The following GATA6 variants were observed in gnomAD, a reference collection of about 807,000 sequenced individuals.
GATA6 encodes the protein GATA binding protein 6, also known as transcription factor GATA-6.
GATA6 carries 11 observed loss-of-function variants against 48.1 expected under a neutral mutation model. The ratio of observed to expected loss-of-function variants is 0.23; its 90% CI spans 0.14 to 0.38. The LOEUF (loss-of-function observed/expected upper bound fraction) is 0.38. GATA6 is among the 10% of genes least tolerant of loss of function. The probability of loss-of-function intolerance (pLI) is 1.00; values close to 1 mark genes in which losing one functional copy is unlikely to be tolerated. For synonymous variants in GATA6, 419 were observed against 396.1 expected, an observed-to-expected ratio of 1.06 and a Z score of -0.69; for missense variants, 795 against 850.3, an observed-to-expected ratio of 0.93 and a Z score of 0.81.
chr18:22,200,696 A>G lies in GATA6; in HGVS notation c.1661A>G (p.Asn554Ser). The change falls in exon 7 of 7, where the codon AAT becomes AGT. Residue 554 changes from asparagine to serine, a missense_variant. Asn to Ser is a conservative substitution (Grantham distance 46). Coordinates refer to ENST00000269216, the MANE Select transcript of GATA6 (RefSeq NM_005257.6). ...PVMTGAGEST[N>S]PENSELKYSG... ...ATGACTGGTGCGGGAGAGAGCACCA[A>G]TCCCGAGAACAGCGAGCTCAAGTAT... 2 of 1,614,210 alleles carry G rather than the reference A, an allele frequency of 1.2e-6. No homozygotes were observed. The highest frequency in any genetic ancestry group is 2.2e-5 in the East Asian group (1 of 44,876).
At chr18:22,191,455 G>A (rs1390359318) in intron 6 of GATA6, among the ~76,000 whole-genome samples, 1 of 146,242 alleles carries the variant, frequency 6.8e-6, no homozygotes, top group African/African-American at 2.5e-5. Context: ...AAGAAATCTG[G>A]CTTAGATTGC....
chr18:22,200,661 T>C lies in GATA6; in HGVS notation c.1626T>C (p.Gly542=). ...PTTQPTASGA[G]APVMTGAGES... is the part of the protein sequence containing the mutation. ...GTGTCCCCCTCTTCTGCCAGGCGGGTGCCCCGGTGATGACTGGTGCGGGAG... is the reference window on the plus strand; with the variant it reads ...GTGTCCCCCTCTTCTGCCAGGCGGGCGCCCCGGTGATGACTGGTGCGGGAG... Residue 542 remains glycine, a synonymous_variant, in exon 7 of 7, where the codon GGT becomes GGC. Transcript: ENST00000269216. The C allele has an allele frequency of 1.2e-6, 2 of 1,614,220 alleles. No homozygotes were observed. Among genetic ancestry groups the C allele is most frequent in the Non-Finnish European group, 1.7e-6 (2 of 1,180,036 alleles).
At chr18:22,191,938 C>G (rs923466007) in intron 6 of GATA6, among the ~76,000 whole-genome samples, 3 of 152,244 alleles carry the variant, frequency 2.0e-5, no homozygotes, top group Non-Finnish European at 4.4e-5. Context: ...GGTGTGCTGC[C>G]TGTTTTGGTT....
At chr18:22,192,264 G>T (rs1026741595) in intron 6 of GATA6, among the ~76,000 whole-genome samples, 1 of 152,202 alleles carries the variant, frequency 6.6e-6, no homozygotes, top group African/African-American at 2.4e-5. Context: ...GTCCTTAGGA[G>T]TATTGTGTAG....
Position 22,171,340 on chromosome 18 carries a change from G to T in GATA6, c.196G>T (p.Asp66Tyr). 1 of 1,587,632 alleles carries T rather than the reference G, an allele frequency of 6.3e-7. No individual in the cohort carries two copies. Among genetic ancestry groups the T allele is most frequent in the Non-Finnish European group, 8.5e-7 (1 of 1,174,072 alleles). ...GASNCGTPQL[D>Y]TEAAAGPPAR... The stretch of plus-strand genomic sequence containing the variant: ...CAGCAACTGCGGGACGCCTCAGCTC[G>T]ACACGGAGGCGGCGGCCGGACCCCC... The change falls in exon 2 of 7, where the codon GAC becomes TAC. Residue 66 changes from aspartate to tyrosine, a missense_variant. Asp to Tyr is a radical substitution (Grantham distance 160, BLOSUM62 -3). Coordinates refer to ENST00000269216, the MANE Select transcript of GATA6 (RefSeq NM_005257.6). This position sits in a 1 kb window ranked among gnomAD's most constrained non-coding sequence, Gnocchi z 7.1.
chr18:22,185,485 G>A lies in GATA6; in HGVS notation c.1620+2442G>A, dbSNP rs1181734568. 1.3e-5 allele frequency among the ~76,000 whole-genome samples: 2 copies of A among 152,252 alleles called. No individual in the cohort carries two copies. Among genetic ancestry groups the A allele is most frequent in the Non-Finnish European group, 2.9e-5 (2 of 68,046 alleles). On this transcript the variant is annotated intron_variant, in intron 6 of 6. Coordinates refer to ENST00000269216, the MANE Select transcript of GATA6 (RefSeq NM_005257.6). The surrounding 1 kb of genome is among the most constrained non-coding windows in gnomAD (Gnocchi z 4.3). ...CTCCGAGCTCTCCAGCCTCTGGGCT[G>A]CGCAGCAGAAACACTGACTGCCATT...
chr18:22,172,232 A>G lies in GATA6; in HGVS notation c.1088A>G (p.Gln363Arg). The change falls in exon 2 of 7, where the codon CAG (glutamine) becomes CGG (arginine). Residue 363 changes from glutamine to arginine, a missense_variant. Transcript: ENST00000269216. This position sits in a 1 kb window ranked among gnomAD's most constrained non-coding sequence, Gnocchi z 5.2. ...PFETPVLHSLQSRAGAPLPVP... is the reference protein window; with the variant it reads ...PFETPVLHSLRSRAGAPLPVP... The stretch of plus-strand genomic sequence containing the variant: ...GAGACCCCGGTGCTGCACAGCCTGC[A>G]GAGCCGCGCCGGAGCCCCGCTCCCG... 1.3e-6 allele frequency: 2 copies of G among 1,533,610 alleles called. No homozygotes were observed. Among genetic ancestry groups the G allele is most frequent in the Non-Finnish European group, 1.7e-6 (2 of 1,145,972 alleles).
At chr18:22,187,853 GA>G (rs113587081) in intron 6 of GATA6, among the ~76,000 whole-genome samples, 6,999 of 150,998 alleles carry the variant, frequency 0.046, 526 homozygotes, top group African/African-American at 0.16. Flanking sequence ...CAGAAAAAAA[GA>G]AAAAAAAATT....
At chr18:22,198,927 A>G (rs2033423040) in intron 6 of GATA6, among the ~76,000 whole-genome samples, 1 of 152,208 alleles carries the variant, frequency 6.6e-6, no homozygotes, top group Non-Finnish European at 1.5e-5. Flanking sequence ...CATTTGTGTT[A>G]TATAAACAAA....
chr18:22,191,989 G>T (rs533909293), intron 6 of GATA6, among the ~76,000 whole-genome samples: 1 of 152,336 alleles, frequency 6.6e-6, no homozygotes, highest in African/African-American at 2.4e-5. Context: ...GCCACATGCT[G>T]CAGAACCATA....
chr18:22,174,281 C>T (rs1480751058), intron 2 of GATA6, among the ~76,000 whole-genome samples: 1 of 152,206 alleles, frequency 6.6e-6, no homozygotes, highest in Non-Finnish European at 1.5e-5. Flanking sequence ...CACACCTTAG[C>T]CTGATCTCCA....
Position 22,200,789 on chromosome 18 carries a change from G to T in GATA6, c.1754G>T (p.Arg585Leu), listed in dbSNP as rs201707559. ...ASPAEVTSSV[R>L]PDSWCALALA Reference sequence around the variant, plus strand: ...CCGGCCGAAGTCACGTCCTCCGTGCGACCGGATTCCTGGTGCGCCCTGGCC... The same window carrying T: ...CCGGCCGAAGTCACGTCCTCCGTGCTACCGGATTCCTGGTGCGCCCTGGCC... Residue 585 changes from arginine (R) to leucine (L), a missense_variant, in exon 7 of 7, where the codon CGA becomes CTA. Arg to Leu is a moderately radical substitution (Grantham distance 102, BLOSUM62 -2). Coordinates refer to ENST00000269216, the MANE Select transcript of GATA6 (RefSeq NM_005257.6). 2.6e-5 allele frequency: 42 copies of T among 1,612,992 alleles called. No homozygotes were observed. The Admixed American group carries it at 2.8e-4, about 11-fold the overall frequency.
At position 22,172,013 on chromosome 18, in the gene GATA6, C is replaced by A; in HGVS notation, c.869C>A (p.Ala290Glu). 8.1e-7 allele frequency: 1 copy of A among 1,241,746 alleles called. No homozygotes were observed. The highest frequency in any genetic ancestry group is 1.0e-6 in the Non-Finnish European group (1 of 995,616). 76.9% of individuals were successfully genotyped at this position (1,241,746 alleles called of 1,614,324 possible). A position where few individuals can be genotyped will look rare whatever the true frequency, so the allele number is the denominator to read the frequency against. Residue 290 changes from alanine to glutamate, a missense_variant, in exon 2 of 7, where the codon GCG (alanine) becomes GAG (glutamate). Transcript: ENST00000269216. This position sits in a 1 kb window ranked among gnomAD's most constrained non-coding sequence, Gnocchi z 5.2. ...TACGCGGCGGCGGGCAGTGGGGGCG[C>A]GGGAGGCGTGAGCGGCGGCGGCAGT... ...GGYAAAGSGGAGGVSGGGSSL... is the reference protein window; with the variant it reads ...GGYAAAGSGGEGGVSGGGSSL...
rs561067070 is a variant in GATA6 at position 22,202,312 on chromosome 18, A to G, written c.*1489A>G. On this transcript the variant is annotated 3_prime_UTR_variant, in exon 7 of 7. Transcript: ENST00000269216. Reference sequence around the variant, plus strand: ...CAGATTTTTTTTCTTTGTGAATGAAATATATTCTGGCCCACGAACAGGGCG... The same window carrying G: ...CAGATTTTTTTTCTTTGTGAATGAAGTATATTCTGGCCCACGAACAGGGCG... 6.6e-6 allele frequency: 1 copy of G among 152,292 alleles called. No homozygotes were observed. Among genetic ancestry groups the G allele is most frequent in the East Asian group, 1.9e-4 (1 of 5,172 alleles). The allele number at this position is 152,292 out of a possible 1,614,324, so 9.4% of individuals were successfully genotyped here.
At chr18:22,199,517 A>G (rs557829591) in intron 6 of GATA6, among the ~76,000 whole-genome samples, 14 of 152,294 alleles carry the variant, frequency 9.2e-5, no homozygotes, top group African/African-American at 3.4e-4. Flanking sequence ...TTTTGGTTTG[A>G]TTTTACTAAA....
chr18:22,174,549 A>G (rs990978012), intron 2 of GATA6, among the ~76,000 whole-genome samples: 2 of 152,002 alleles, frequency 1.3e-5, no homozygotes, highest in African/African-American at 2.4e-5. Flanking sequence ...AAGTATGTTT[A>G]AAAAAATGGG....
intron 6 of GATA6, among the ~76,000 whole-genome samples, chr18:22,195,817 T>C (rs968767773): frequency 2.0e-5 from 3 of 152,258 alleles, no homozygotes; most frequent in Non-Finnish European, 4.4e-5. Context: ...TGAGCGGATG[T>C]GCCCTGCTTT....
At chr18:22,173,493 C>G (rs1194111422) in intron 2 of GATA6, among the ~76,000 whole-genome samples, 1 of 152,152 alleles carries the variant, frequency 6.6e-6, no homozygotes, top group East Asian at 1.9e-4. Flanking sequence ...GACAGCAAGT[C>G]AGTCCTAGGG....
At chr18:22,186,236 G>A (rs1467874690) in intron 6 of GATA6, among the ~76,000 whole-genome samples, 1 of 152,036 alleles carries the variant, frequency 6.6e-6, no homozygotes, top group Non-Finnish European at 1.5e-5. Flanking sequence ...CGTTTGATGG[G>A]GCCACGGAAC....
Sources: gnomAD v4.1 joint callset for allele counts (sites outside exome capture counted in the v4.1 genomes callset) on GRCh38, gnomAD v4.1.1 for gene constraint, Gnocchi (gnomAD v3.1) non-coding constraint, MANE v1.5 for transcripts, NCBI Gene and HGNC (gene_info 2026-07-23, HGNC 2026-07-21) for gene names.